TECRL: variants seen among roughly 807,000 people sequenced by gnomAD.
The protein encoded by TECRL is trans-2,3-enoyl-CoA reductase like.
TECRL carries 63 observed loss-of-function variants against 52.8 expected under a neutral mutation model. That is an observed-to-expected ratio of 1.19 (90% CI 0.97 to 1.47). The LOEUF (loss-of-function observed/expected upper bound fraction) is 1.47, where lower values mean the gene tolerates loss of function less well. TECRL is among the 40% of genes most tolerant of loss of function. The pLI, the probability that TECRL is intolerant of heterozygous loss-of-function variation, is 0.00. For missense variants in TECRL, 482 were observed against 429.6 expected (o/e 1.12, Z -1.08); for synonymous variants, 164 against 141.9 (o/e 1.16, Z -1.10).
chr4:64,313,795 T>G (rs1717255898), intron 5 of TECRL, among the ~76,000 whole-genome samples: 1 of 151,074 alleles, frequency 6.6e-6, no homozygotes, highest in African/African-American at 2.4e-5. Context: ...ACTCTTTTTT[T>G]GTCATACTTC....
intron 2 of TECRL, among the ~76,000 whole-genome samples, chr4:64,352,403 G>T (rs1194858748): frequency 1.3e-5 from 2 of 152,164 alleles, no homozygotes; most frequent in African/African-American, 4.8e-5. Flanking sequence ...TGGATAGATA[G>T]ATTAGACAGA....
chr4:64,393,568 AAT>A (rs1358613416), intron 1 of TECRL, among the ~76,000 whole-genome samples: 1 of 152,054 alleles, frequency 6.6e-6, no homozygotes, highest in African/African-American at 2.4e-5. Flanking sequence ...AATTGAAAAC[AAT>A]ATGAGGATAT....
chr4:64,323,982 T>G (rs1718081324), intron 3 of TECRL, among the ~76,000 whole-genome samples: 1 of 152,078 alleles, frequency 6.6e-6, no homozygotes. Context: ...CATTAACATT[T>G]AAAACCGTGG....
chr4:64,324,217 T>A (rs1480784448), intron 3 of TECRL, among the ~76,000 whole-genome samples: 1 of 152,042 alleles, frequency 6.6e-6, no homozygotes, highest in Admixed American at 6.6e-5. Context: ...TGTAAAAAAA[T>A]ATCTTTTTAA....
chr4:64,348,029 G>T (rs1412767763), intron 2 of TECRL, among the ~76,000 whole-genome samples: 3 of 152,024 alleles, frequency 2.0e-5, no homozygotes, highest in Non-Finnish European at 4.4e-5. Context: ...TTCCAAAGTT[G>T]CTTCCACATT....
At chr4:64,385,263 T>C (rs1220698933) in intron 1 of TECRL, among the ~76,000 whole-genome samples, 2 of 151,564 alleles carry the variant, frequency 1.3e-5, no homozygotes, top group Non-Finnish European at 2.9e-5. Context: ...ACTTGTGGAG[T>C]AGTATTGTTG....
At chr4:64,283,231 A>G (rs1190094359) in intron 9 of TECRL, among the ~76,000 whole-genome samples, 3 of 152,062 alleles carry the variant, frequency 2.0e-5, no homozygotes, top group African/African-American at 7.2e-5. Flanking sequence ...CTACCTAAAT[A>G]TGATTTATTT....
chr4:64,287,375 C>G (rs1463457829), intron 9 of TECRL, among the ~76,000 whole-genome samples: 2 of 152,002 alleles, frequency 1.3e-5, no homozygotes, highest in Non-Finnish European at 2.9e-5. Flanking sequence ...TTTTATTTTA[C>G]AGAACAACTA....
chr4:64,337,950 C>A (rs1719239229), intron 2 of TECRL, among the ~76,000 whole-genome samples: 1 of 151,978 alleles, frequency 6.6e-6, no homozygotes, highest in Non-Finnish European at 1.5e-5. Flanking sequence ...TCATATGGAG[C>A]CAAAAAAGAA....
chr4:64,308,694 C>T (rs538468880), intron 6 of TECRL, among the ~76,000 whole-genome samples: 5 of 152,236 alleles, frequency 3.3e-5, no homozygotes, highest in East Asian at 3.9e-4. Flanking sequence ...GGTTGTGAGA[C>T]GAGAACTCAG....
At chr4:64,360,330 T>C (rs941965084) in intron 2 of TECRL, among the ~76,000 whole-genome samples, 9 of 152,140 alleles carry the variant, frequency 5.9e-5, no homozygotes, top group African/African-American at 2.2e-4. Flanking sequence ...AGTTGAGTAA[T>C]AATTTCTTCA....
intron 2 of TECRL, among the ~76,000 whole-genome samples, chr4:64,355,794 C>A (rs76468932): frequency 0.011 from 1,302 of 119,560 alleles, 9 homozygotes; most frequent in Non-Finnish European, 0.014. Context: ...GACTCTGTCT[C>A]AAAAAAAAAA....
chr4:64,317,155 G>A (rs1038550666), intron 4 of TECRL, among the ~76,000 whole-genome samples: 1 of 152,096 alleles, frequency 6.6e-6, no homozygotes, highest in Non-Finnish European at 1.5e-5. Context: ...GCAGGTGCCT[G>A]GAATCCCAGC....
At chr4:64,317,578 CA>C (rs1301012157) in intron 4 of TECRL, among the ~76,000 whole-genome samples, 1 of 152,096 alleles carries the variant, frequency 6.6e-6, no homozygotes, top group Non-Finnish European at 1.5e-5. Flanking sequence ...GTTTTGGGAG[CA>C]TTTATCACTT....
chr4:64,370,824 T>A (rs1467456884), intron 2 of TECRL, among the ~76,000 whole-genome samples: 2 of 151,992 alleles, frequency 1.3e-5, no homozygotes, highest in East Asian at 3.9e-4. Flanking sequence ...AGAAAACTAT[T>A]AATCATGTGC....
At chr4:64,349,404 T>G (rs1577915754) in intron 2 of TECRL, among the ~76,000 whole-genome samples, 1 of 152,122 alleles carries the variant, frequency 6.6e-6, no homozygotes, top group African/African-American at 2.4e-5. Context: ...GTGCTAGGAT[T>G]ATAGGTGTGA....
At chr4:64,300,899 G>A (rs1030075100) in intron 7 of TECRL, among the ~76,000 whole-genome samples, 8 of 150,894 alleles carry the variant, frequency 5.3e-5, no homozygotes, top group African/African-American at 1.9e-4. Flanking sequence ...TCATAGAATG[G>A]CTGAAAAGGT....
chr4:64,310,913 T>C (rs1716953622), intron 5 of TECRL, among the ~76,000 whole-genome samples: 1 of 152,028 alleles, frequency 6.6e-6, no homozygotes, highest in Non-Finnish European at 1.5e-5. Flanking sequence ...TAGAAATGGG[T>C]TAAACCTTGT....
chr4:64,281,238 A>G (rs1477055627), intron 10 of TECRL, 152 bp from the exon 11 acceptor site: 5 of 582,742 alleles, frequency 8.6e-6, no homozygotes, highest in Non-Finnish European at 1.5e-5. Context: ...ATTTTTACAT[A>G]TAAAGTCATA....
Sources: allele counts gnomAD v4.1 joint callset (sites outside exome capture counted in the v4.1 genomes callset), GRCh38; gene constraint gnomAD v4.1.1; transcripts MANE v1.5; gene names NCBI Gene and HGNC (gene_info 2026-07-23, HGNC 2026-07-21).